Variants in ZNF500 observed in about 807,000 individuals in gnomAD.
ZNF500 encodes zinc finger protein with KRAB and SCAN domains 18.
Under a neutral mutation model 30.1 loss-of-function variants are expected in ZNF500, and 31 were observed. That is an observed-to-expected ratio of 1.03 (90% CI 0.77 to 1.39). ZNF500 has a LOEUF of 1.39. ZNF500 is among the 40% of genes most tolerant of loss of function. The pLI is 0.00. For synonymous variants in ZNF500, 392 were observed against 282.0 expected (o/e 1.39, Z -3.91); for missense variants, 817 against 657.8 (o/e 1.24, Z -2.65).
At chr16:4,753,198 C>CTGTG in intron 5 of ZNF500, 140 bp from the exon 6 acceptor site, 1 of 1,396,142 alleles carries the variant, frequency 7.2e-7, no homozygotes, top group Non-Finnish European at 9.3e-7. Flanking sequence ...CTGTGGCTCA[C>CTGTG]GCCTATAATC....
Position 4,752,786 on chromosome 16 carries a change from G to A in ZNF500, c.1033C>T (p.Arg345Cys), listed in dbSNP as rs746661911. 8.1e-6 allele frequency: 13 copies of A among 1,614,136 alleles called. No homozygotes were observed. The highest frequency in any genetic ancestry group is 3.3e-4 in the Middle Eastern group (2 of 6,084). The change falls in exon 6 of 6, where the codon CGC becomes TGC. Residue 345 changes from arginine (R) to cysteine (C), a missense_variant. Physicochemically the swap from Arg to Cys is radical, Grantham distance 180. Transcript: ENST00000219478. ...SKTSHLTKHQ[R>C]THTGERPYKC... Reference sequence around the variant, plus strand: ...TAAGGCCGCTCGCCCGTGTGTGTGCGCTGGTGCTTGGTCAAGTGGGACGTC... The same window carrying A: ...TAAGGCCGCTCGCCCGTGTGTGTGCACTGGTGCTTGGTCAAGTGGGACGTC...
rs1379623991 is a variant in ZNF500, at chr16:4,763,071, C to G, written c.415-315G>C. On this transcript the variant is annotated intron_variant, in intron 2 of 5. Coordinates refer to ENST00000219478, the MANE Select transcript of ZNF500 (RefSeq NM_021646.4). The stretch of plus-strand genomic sequence containing the variant: ...CCCTGAGTCAGCGCTGGACTAATTT[C>G]AGAAGTTCACAGAACTGCATTTGCT... 3.3e-5 allele frequency: 33 copies of G among 985,340 alleles called. No homozygotes were observed. The Admixed American group carries it at 3.7e-4, about 11-fold the overall frequency. 61.0% of individuals were successfully genotyped at this position (985,340 alleles called of 1,614,324 possible).
intron 2 of ZNF500, chr16:4,763,977 G>T (rs1400281878): frequency 2.0e-6 from 2 of 985,366 alleles, no homozygotes; most frequent in East Asian, 1.1e-4. Flanking sequence ...CCTGAAAAAT[G>T]AACTGAAACA....
intron 4 of ZNF500, 47 bp downstream of exon 4, chr16:4,762,224 G>T: frequency 6.3e-7 from 1 of 1,592,050 alleles, no homozygotes. Flanking sequence ...CACACAGGAG[G>T]TCGGGCCAGA....
downstream of ZNF500, chr16:4,747,237 T>C: frequency 2.2e-6 from 3 of 1,389,900 alleles, no homozygotes; most frequent in Non-Finnish European, 2.9e-6. Flanking sequence ...GCATTCTTGC[T>C]CTGAAATGGG....
intron 4 of ZNF500, among the ~76,000 whole-genome samples, chr16:4,760,978 T>C (rs775522848): frequency 2.0e-5 from 3 of 151,948 alleles, no homozygotes; most frequent in Non-Finnish European, 4.4e-5. Flanking sequence ...GGCTCCCAGA[T>C]GTAGCACCAG....
At chr16:4,746,031 G>C (rs1425323457), downstream of ZNF500, 1 of 206,248 alleles carries the variant, frequency 4.8e-6, no homozygotes, top group Non-Finnish European at 9.7e-6. Context: ...AGCCGTGTGT[G>C]GCTACTAAAC....
In ZNF500 at chr16:4,765,721, C is replaced by T; in HGVS notation, c.258G>A (p.Lys86=). 6.2e-7 allele frequency: 1 copy of T among 1,613,542 alleles called. No individual in the cohort carries two copies. Among genetic ancestry groups the T allele is most frequent in the Non-Finnish European group, 8.5e-7 (1 of 1,179,976 alleles). Residue 86 remains lysine, a synonymous_variant, in exon 2 of 6, where the codon AAG becomes AAA. Transcript: ENST00000219478. ...GCACCAGCAGCTCCAGGATCTGCTC[C>T]TTGGTGCGCAGCTCCGGCCGCAGCC... ...CRWLRPELRT[K]EQILELLVLE...
chr16:4,753,273 C>A, intron 5 of ZNF500: 3 of 894,244 alleles, frequency 3.4e-6, no homozygotes, highest in Non-Finnish European at 4.7e-6. Context: ...CCAGCTTGGG[C>A]AACGCAGTGA....
In ZNF500 at chr16:4,765,851, T is replaced by C. The variant is rs1213547283; in HGVS notation, c.128A>G (p.Asp43Gly). ...LEEEPSVETE[D>G]PSPETFRQLF... Reference sequence around the variant, plus strand: ...CTGGCGGAAAGTCTCAGGGCTGGGGTCCTCCGTCTCCACGGAGGGCTCCTC... The same window carrying C: ...CTGGCGGAAAGTCTCAGGGCTGGGGCCCTCCGTCTCCACGGAGGGCTCCTC... Residue 43 changes from aspartate (D) to glycine (G), a missense_variant, in exon 2 of 6, where the codon GAC (aspartate) becomes GGC (glycine). Asp to Gly is a moderately conservative substitution (Grantham distance 94). Transcript: ENST00000219478. 4 of 1,613,648 alleles carry C rather than the reference T, an allele frequency of 2.5e-6. No individual in the cohort carries two copies. Among genetic ancestry groups the C allele is most frequent in the South Asian group, 1.1e-5 (1 of 91,082 alleles).
At chr16:4,746,475 C>A (rs147266014), downstream of ZNF500, 1 of 1,613,726 alleles carries the variant, frequency 6.2e-7, no homozygotes, top group Admixed American at 1.7e-5. Context: ...TATTGACCTG[C>A]GGCAGATGGA....
intron 1 of ZNF500, among the ~76,000 whole-genome samples, chr16:4,766,432 C>A (rs1337446349): frequency 6.6e-6 from 1 of 152,114 alleles, no homozygotes; most frequent in African/African-American, 2.4e-5. Flanking sequence ...ACCACCTGGT[C>A]AACGTGGTGG....
rs2082049533 is a variant in ZNF500 at position 4,748,708 on chromosome 16, C to T, written c.*3668G>A. On this transcript the variant is annotated 3_prime_UTR_variant, in exon 6 of 6. Coordinates refer to ENST00000219478, the MANE Select transcript of ZNF500 (RefSeq NM_021646.4). ...CCTGACCTGGGCACCTGTTTGTCTC[C>T]CCAACCTTGTCTCCAGGATGTGTCC... 6.6e-6 allele frequency: 1 copy of T among 152,406 alleles called. No individual in the cohort carries two copies. The highest frequency in any genetic ancestry group is 2.4e-5 in the African/African-American group (1 of 41,462). The allele number at this position is 152,406 out of a possible 1,614,324, so 9.4% of individuals were successfully genotyped here.
At position 4,749,591 on chromosome 16, in the gene ZNF500, G is replaced by A. The variant is rs1447448295; in HGVS notation, c.*2785C>T. 1 of 152,302 alleles carries A rather than the reference G, an allele frequency of 6.6e-6. No individual in the cohort carries two copies. Among genetic ancestry groups the A allele is most frequent in the African/African-American group, 2.4e-5 (1 of 41,458 alleles). The allele number at this position is 152,302 out of a possible 1,614,324, so 9.4% of individuals were successfully genotyped here. ...GCACTTTGGGAGGCCGAGGTGGGTG[G>A]ATCACAAGGTCGGGAGTTCAAGACC... On this transcript the variant is annotated 3_prime_UTR_variant, in exon 6 of 6. Transcript: ENST00000219478.
At chr16:4,763,566 G>A (rs778372231) in intron 2 of ZNF500, 222 of 985,266 alleles carry the variant, frequency 2.3e-4, no homozygotes, top group Non-Finnish European at 2.6e-4. Flanking sequence ...CAAACCCAGC[G>A]TCAGGGACCC....
chr16:4,761,281 AC>A (rs2141844919), intron 4 of ZNF500, among the ~76,000 whole-genome samples: 1 of 152,106 alleles, frequency 6.6e-6, no homozygotes, highest in East Asian at 1.9e-4. Flanking sequence ...TACTAAAAAT[AC>A]AAAAAAAATT....
At position 4,765,580 on chromosome 16, in the gene ZNF500, C is replaced by T. The variant is rs1432267863; in HGVS notation, c.399G>A (p.Arg133=). 3 of 1,600,500 alleles carry T rather than the reference C, an allele frequency of 1.9e-6. No individual in the cohort carries two copies. The highest frequency in any genetic ancestry group is 1.3e-5 in the African/African-American group (1 of 74,626). ...CCCCACTCACCCGCTGCCTGTGTTT[C>T]CTGGGCTTCCGCTGCAGCCCTTCCA... is the stretch of plus-strand genomic sequence containing the variant. The part of the protein sequence containing the change: ...VLVEGLQRKP[R]KHRQRGSELL... Residue 133 remains arginine, a synonymous_variant, in exon 2 of 6, where the codon AGG becomes AGA. Coordinates refer to ENST00000219478, the MANE Select transcript of ZNF500 (RefSeq NM_021646.4).
In ZNF500 at chr16:4,752,445, G is replaced by C; in HGVS notation, c.1374C>G (p.Thr458=). 9.1e-6 allele frequency: 14 copies of C among 1,540,288 alleles called. No individual in the cohort carries two copies. Among genetic ancestry groups the C allele is most frequent in the Non-Finnish European group, 1.2e-5 (14 of 1,147,416 alleles). ...RGTDLHKHQR[T]HMGAGSLPTL... is the part of the protein sequence containing the mutation. ...TCGGCAAGGAGCCTGCCCCCATGTG[G>C]GTCCGCTGGTGCTTGTGCAGGTCGG... Residue 458 remains threonine (T), a synonymous_variant, in exon 6 of 6, where the codon ACC becomes ACG. Transcript: ENST00000219478.
intron 5 of ZNF500, chr16:4,756,301 T>C (rs1033960763): frequency 2.0e-4 from 30 of 152,136 alleles, no homozygotes; most frequent in African/African-American, 6.0e-4. Context: ...CTGACCAACA[T>C]GGTAAAATGC....
Sources: gnomAD v4.1 joint callset for allele counts (sites outside exome capture counted in the v4.1 genomes callset) on GRCh38, gnomAD v4.1.1 for gene constraint, MANE v1.5 for transcripts, NCBI Gene and HGNC (gene_info 2026-07-23, HGNC 2026-07-21) for gene names.